Variants in PSMD9 observed in about 807,000 individuals in gnomAD.
PSMD9 encodes the protein 26S proteasome non-ATPase regulatory subunit 9.
PSMD9 carries 26 observed loss-of-function variants against 25.9 expected under a neutral mutation model. That is an observed-to-expected ratio of 1.00 (90% CI 0.73 to 1.39). The LOEUF is 1.39. Among genes scored for constraint, PSMD9 ranks in the 40% most tolerant of loss-of-function variants. The probability of loss-of-function intolerance (pLI) is 0.00; values close to 1 mark genes in which losing one functional copy is unlikely to be tolerated. For missense variants in PSMD9, 303 were observed against 299.3 expected (o/e 1.01, Z -0.09); for synonymous variants, 110 against 114.5 (o/e 0.96, Z 0.25).
intron 4 of PSMD9, among the ~76,000 whole-genome samples, chr12:121,912,365 T>G (rs1879750702): frequency 6.6e-6 from 1 of 152,138 alleles, no homozygotes; most frequent in Non-Finnish European, 1.5e-5. Flanking sequence ...TCCATTACTG[T>G]TTTCCACTGC....
chr12:121,889,527 T>C (rs1323364747), intron 1 of PSMD9, among the ~76,000 whole-genome samples: 1 of 152,098 alleles, frequency 6.6e-6, no homozygotes, highest in Non-Finnish European at 1.5e-5. Flanking sequence ...ATTTGCTGAT[T>C]GTATCGTGAA....
At chr12:121,915,796 T>C in intron 4 of PSMD9, 60 bp from the exon 5 acceptor site, 2 of 1,393,002 alleles carry the variant, frequency 1.4e-6, no homozygotes, top group South Asian at 1.3e-5. Context: ...CTCAGCATTT[T>C]AGCCTGCATC....
intron 3 of PSMD9, among the ~76,000 whole-genome samples, chr12:121,901,006 A>G (rs1565892432): frequency 6.6e-6 from 1 of 150,666 alleles, no homozygotes; most frequent in African/African-American, 2.5e-5. Context: ...AAAAAAAAAA[A>G]AGGAGATGGG....
At chr12:121,909,688 C>T (rs1308779080) in intron 4 of PSMD9, among the ~76,000 whole-genome samples, 2 of 152,126 alleles carry the variant, frequency 1.3e-5, no homozygotes, top group Non-Finnish European at 2.9e-5. Context: ...CATTTCCGCC[C>T]ACTTCGAAGG....
intron 1 of PSMD9, 76 bp downstream of exon 1, chr12:121,889,070 C>A: frequency 2.0e-6 from 3 of 1,514,286 alleles, no homozygotes; most frequent in East Asian, 2.5e-5. Flanking sequence ...GCCAGGGCGG[C>A]CTCAGTTTGG....
In PSMD9 at chr12:121,896,141, C is replaced by G. The variant is rs185616843; in HGVS notation, c.241+1300C>G. 1.6e-3 allele frequency among the ~76,000 whole-genome samples: 237 copies of G among 150,984 alleles called. No homozygotes were observed. The Middle Eastern group carries it at 0.017, about 11-fold the overall frequency. On this transcript the variant is annotated intron_variant, in intron 2 of 5. Coordinates refer to ENST00000541212, the MANE Select transcript of PSMD9 (RefSeq NM_002813.7). The stretch of plus-strand genomic sequence containing the variant: ...ACCGTCTCAAAAAAAAAAAAAAAAT[C>G]TGTTTGAGCAATTCCTTATTGGTCT...
chr12:121,905,010 G>T lies in PSMD9; in HGVS notation c.555+1903G>T, dbSNP rs1879512736. On this transcript the variant is annotated intron_variant, in intron 4 of 5. Coordinates refer to ENST00000541212, the MANE Select transcript of PSMD9 (RefSeq NM_002813.7). ...GTTCACCCATTTAAAGTGGTTTTTA[G>T]TGTAGTCACAGAATTATGCAGCCAT... 2.0e-5 allele frequency among the ~76,000 whole-genome samples: 3 copies of T among 151,680 alleles called. No individual in the cohort carries two copies. The South Asian group carries it at 6.2e-4, about 31-fold the overall frequency.
chr12:121,899,603 C>T, intron 2 of PSMD9, 31 bp from the exon 3 acceptor site: 6 of 1,560,026 alleles, frequency 3.8e-6, no homozygotes, highest in South Asian at 1.2e-5. Context: ...CACTGTCTTC[C>T]TTGGCCCCTG....
intron 4 of PSMD9, among the ~76,000 whole-genome samples, chr12:121,906,040 TTCTGTCTGTTGTGTGGA>T (rs1879545042): frequency 1.3e-5 from 2 of 152,202 alleles, no homozygotes; most frequent in Non-Finnish European, 2.9e-5. Flanking sequence ...ATTCTGAGAC[TTCTGTCTGTTGTGTGGA>T]TCTGTGAGAA....
intron 1 of PSMD9, among the ~76,000 whole-genome samples, chr12:121,893,494 A>C (rs931872591): frequency 1.3e-5 from 2 of 152,228 alleles, no homozygotes; most frequent in Non-Finnish European, 2.9e-5. Context: ...TTGGTGACTT[A>C]AAACAGGAAT....
intron 4 of PSMD9, among the ~76,000 whole-genome samples, chr12:121,909,349 T>C (rs1353324961): frequency 6.6e-6 from 1 of 151,484 alleles, no homozygotes; most frequent in Non-Finnish European, 1.5e-5. Flanking sequence ...TCTCTCGCTC[T>C]GCTGCCCAGG....
chr12:121,897,170 C>T (rs1879258655), intron 2 of PSMD9: 1 of 152,112 alleles, frequency 6.6e-6, no homozygotes, highest in Non-Finnish European at 1.5e-5. Flanking sequence ...TGAGGCCTCC[C>T]AAATATATAC....
chr12:121,916,099 C>G, intron 5 of PSMD9, 155 bp downstream of exon 5: 1 of 1,154,078 alleles, frequency 8.7e-7, no homozygotes, highest in South Asian at 1.4e-5. Context: ...AGGAACGAGA[C>G]TACAGCTCTA....
chr12:121,892,619 T>C (rs1592939637), intron 1 of PSMD9, among the ~76,000 whole-genome samples: 1 of 151,926 alleles, frequency 6.6e-6, no homozygotes, highest in Non-Finnish European at 1.5e-5. Context: ...GAGAAGGGCC[T>C]GAACCCAGGA....
intron 1 of PSMD9, among the ~76,000 whole-genome samples, chr12:121,890,130 C>T (rs1425675235): frequency 3.6e-4 from 55 of 152,088 alleles, no homozygotes; most frequent in Non-Finnish European, 1.3e-4. Flanking sequence ...TTGGTCAGGC[C>T]GGTGTTGGAT....
chr12:121,892,219 GA>G (rs1179276831), intron 1 of PSMD9, among the ~76,000 whole-genome samples: 1 of 152,106 alleles, frequency 6.6e-6, no homozygotes, highest in Non-Finnish European at 1.5e-5. Flanking sequence ...CCAATTAGAA[GA>G]CAGGGAAAGG....
intron 4 of PSMD9, 194 bp from the exon 5 acceptor site, chr12:121,915,662 T>C (rs1054399411): frequency 2.9e-5 from 16 of 549,488 alleles, no homozygotes; most frequent in Admixed American, 2.7e-4. Context: ...TTGAGGAAGA[T>C]GGTACTGAGG....
chr12:121,910,436 AT>A (rs982526426), intron 4 of PSMD9, among the ~76,000 whole-genome samples: 1 of 151,146 alleles, frequency 6.6e-6, no homozygotes, highest in Admixed American at 6.6e-5. Context: ...TGACATATTT[AT>A]TTTTTTGTGG....
intron 4 of PSMD9, among the ~76,000 whole-genome samples, chr12:121,906,838 G>A (rs916806907): frequency 2.7e-5 from 4 of 149,370 alleles, no homozygotes; most frequent in African/African-American, 9.9e-5. Flanking sequence ...AATTAGGTGT[G>A]GTGGTACTCT....
Sources: allele counts gnomAD v4.1 joint callset (sites outside exome capture counted in the v4.1 genomes callset), GRCh38; gene constraint gnomAD v4.1.1; transcripts MANE v1.5; gene names NCBI Gene and HGNC (gene_info 2026-07-23, HGNC 2026-07-21).